SLC38A1: variants seen among roughly 807,000 people sequenced by gnomAD.
SLC38A1 encodes the protein solute carrier family 38 member 1, also known as sodium-coupled neutral amino acid symporter 1.
SLC38A1 carries 18 observed loss-of-function variants against 60.3 expected under a neutral mutation model. The observed-to-expected ratio is 0.30, with a 90% CI of 0.21 to 0.44. SLC38A1 has a LOEUF of 0.44. SLC38A1 is among the 20% of genes least tolerant of loss of function. The probability of loss-of-function intolerance (pLI) is 1.00; values close to 1 mark genes in which losing one functional copy is unlikely to be tolerated. For missense variants in SLC38A1, 448 were observed against 587.2 expected (o/e 0.76, Z 2.45); for synonymous variants, 196 against 212.1 (o/e 0.92, Z 0.66).
intron 3 of SLC38A1, among the ~76,000 whole-genome samples, chr12:46,235,934 C>T (rs1346688227): frequency 1.3e-5 from 2 of 152,184 alleles, no homozygotes; most frequent in East Asian, 3.9e-4. Flanking sequence ...TAATGTTTCA[C>T]CAAATTTAAG....
chr12:46,209,612 T>C (rs770484708), intron 5 of SLC38A1, among the ~76,000 whole-genome samples: 5 of 152,204 alleles, frequency 3.3e-5, no homozygotes, highest in Non-Finnish European at 7.3e-5. Flanking sequence ...AAATGATGTC[T>C]AGGGTTCTTT....
intron 5 of SLC38A1, among the ~76,000 whole-genome samples, chr12:46,214,392 G>T (rs1480735910): frequency 6.6e-6 from 1 of 152,092 alleles, no homozygotes; most frequent in Admixed American, 6.5e-5. Context: ...TTTGAAAAAC[G>T]TTATTTGTCA....
intron 1 of SLC38A1, among the ~76,000 whole-genome samples, chr12:46,253,060 T>G (rs192362599): frequency 5.3e-5 from 8 of 151,444 alleles, no homozygotes; most frequent in African/African-American, 1.7e-4. Context: ...ATAAAGAGTT[T>G]GGGGAGGAAA....
In SLC38A1 at chr12:46,183,402, G is replaced by A. The variant is rs889953528; in HGVS notation, c.*5568C>T. On this transcript the variant is annotated 3_prime_UTR_variant, in exon 17 of 17. Transcript: ENST00000398637. ...AATACCTTAGACAGTCTATGTTGGCGTCAACACTAAAATAAAAGGCAAACA... is the reference window on the plus strand; with the variant it reads ...AATACCTTAGACAGTCTATGTTGGCATCAACACTAAAATAAAAGGCAAACA... 5 of 152,142 alleles carry A rather than the reference G, an allele frequency of 3.3e-5. No individual in the cohort carries two copies. The highest frequency in any genetic ancestry group is 5.9e-5 in the Non-Finnish European group (4 of 68,014). 9.4% of individuals were successfully genotyped at this position (152,142 alleles called of 1,614,324 possible). A position where few individuals can be genotyped will look rare whatever the true frequency, so the allele number is the denominator to read the frequency against.
chr12:46,261,966 T>C (rs574672477), intron 1 of SLC38A1, among the ~76,000 whole-genome samples: 1 of 152,276 alleles, frequency 6.6e-6, no homozygotes, highest in East Asian at 1.9e-4. Flanking sequence ...CATCATACAA[T>C]GCACAGGACA....
At chr12:46,216,716 T>C (rs2137503900) in intron 5 of SLC38A1, among the ~76,000 whole-genome samples, 1 of 152,178 alleles carries the variant, frequency 6.6e-6, no homozygotes, top group African/African-American at 2.4e-5. Context: ...AAAAATGACC[T>C]GGGCATAGCG....
At chr12:46,222,777 G>T (rs1388921958) in intron 5 of SLC38A1, among the ~76,000 whole-genome samples, 1 of 152,168 alleles carries the variant, frequency 6.6e-6, no homozygotes, top group Admixed American at 6.5e-5. Context: ...AATTGCACAT[G>T]CAGGAACCCA....
intron 13 of SLC38A1, among the ~76,000 whole-genome samples, chr12:46,199,403 G>C (rs1050431844): frequency 2.6e-5 from 4 of 151,052 alleles, no homozygotes; most frequent in Admixed American, 1.3e-4. Flanking sequence ...GAATATGGTT[G>C]CCATAGTGCC....
chr12:46,220,931 T>G (rs558113497), intron 5 of SLC38A1, among the ~76,000 whole-genome samples: 1 of 152,280 alleles, frequency 6.6e-6, no homozygotes, highest in African/African-American at 2.4e-5. Context: ...AGCAAGGACT[T>G]AGGGCAACGT....
chr12:46,200,574 T>C (rs888750038), intron 13 of SLC38A1, among the ~76,000 whole-genome samples: 3 of 152,190 alleles, frequency 2.0e-5, no homozygotes, highest in South Asian at 2.1e-4. Flanking sequence ...AAGTTACATA[T>C]GAAAACTTGT....
At chr12:46,262,739 C>G (rs1000405) in intron 1 of SLC38A1, among the ~76,000 whole-genome samples, 99,512 of 152,080 alleles carry the variant, frequency 0.65, 33,822 homozygotes, top group African/African-American at 0.85. Context: ...TCACAAAGTG[C>G]TGCATATAAA....
chr12:46,252,603 T>C (rs1780024736), intron 1 of SLC38A1, among the ~76,000 whole-genome samples: 1 of 151,846 alleles, frequency 6.6e-6, no homozygotes, highest in Admixed American at 6.6e-5. Context: ...GGTATAAATG[T>C]TAGAAAATAC....
intron 1 of SLC38A1, among the ~76,000 whole-genome samples, chr12:46,251,438 A>G (rs899011470): frequency 6.6e-6 from 1 of 152,234 alleles, no homozygotes; most frequent in African/African-American, 2.4e-5. Flanking sequence ...GGCATGGGCA[A>G]GGACTTCATG....
At chr12:46,218,146 T>A (rs1565769536) in intron 5 of SLC38A1, among the ~76,000 whole-genome samples, 2 of 152,214 alleles carry the variant, frequency 1.3e-5, no homozygotes, top group Non-Finnish European at 2.9e-5. Flanking sequence ...GAGCGCCATG[T>A]ACCACTACCA....
At chr12:46,202,986 TA>T in intron 12 of SLC38A1, 23 bp downstream of exon 12, 1 of 1,589,102 alleles carries the variant, frequency 6.3e-7, no homozygotes, top group Non-Finnish European at 8.6e-7. Context: ...ACGATTAAGA[TA>T]AAAAATTAAA....
chr12:46,259,020 G>C (rs1434064414), intron 1 of SLC38A1, among the ~76,000 whole-genome samples: 1 of 152,120 alleles, frequency 6.6e-6, no homozygotes, highest in Admixed American at 6.5e-5. Context: ...TGGGATTTTT[G>C]CTAAAAGAGT....
intron 16 of SLC38A1, among the ~76,000 whole-genome samples, chr12:46,194,737 C>T (rs898531610): frequency 2.0e-5 from 3 of 152,182 alleles, no homozygotes; most frequent in African/African-American, 7.2e-5. Context: ...GAAGCTTGTG[C>T]ATGAGTCTCG....
intron 1 of SLC38A1, among the ~76,000 whole-genome samples, chr12:46,259,910 T>A (rs1013009133): frequency 2.6e-5 from 4 of 152,130 alleles, no homozygotes; most frequent in Non-Finnish European, 5.9e-5. Context: ...AACTACTTGC[T>A]CCTGCCACCA....
chr12:46,242,160 T>C (rs1218927552), intron 2 of SLC38A1, among the ~76,000 whole-genome samples: 38 of 152,116 alleles, frequency 2.5e-4, no homozygotes, highest in Admixed American at 2.5e-3. Context: ...TAAAATTAGG[T>C]CAATATTATG....
Sources: allele counts gnomAD v4.1 joint callset (sites outside exome capture counted in the v4.1 genomes callset), GRCh38; gene constraint gnomAD v4.1.1; transcripts MANE v1.5; gene names NCBI Gene and HGNC (gene_info 2026-07-23, HGNC 2026-07-21).